The following OPRM1 variants were observed in gnomAD, a reference collection of about 807,000 sequenced individuals.
The protein encoded by OPRM1 is mu-type opioid receptor.
In OPRM1, 27 loss-of-function variants were observed where a neutral mutation model predicts 31.8. The observed-to-expected ratio is 0.85, with a 90% CI of 0.63 to 1.17. The LOEUF is 1.17. Ranked by LOEUF, OPRM1 falls within the 50% of genes most tolerant of loss-of-function variation. The pLI, the probability that OPRM1 is intolerant of heterozygous loss-of-function variation, is 0.00. For missense variants in OPRM1, 536 were observed against 511.1 expected (o/e 1.05, Z -0.47); for synonymous variants, 196 against 189.9 (o/e 1.03, Z -0.26).
At chr6:154,087,106 A>C in intron 1 of OPRM1, 1 of 985,396 alleles carries the variant, frequency 1.0e-6, no homozygotes, top group Non-Finnish European at 1.2e-6. Context: ...TCCATTAAGA[A>C]AGTGAAACTC....
At chr6:154,246,501 C>T (rs1781056369) in intron 3 of OPRM1, 1 of 1,408,772 alleles carries the variant, frequency 7.1e-7, no homozygotes, top group Admixed American at 2.3e-5. Context: ...TCCCAGAAAT[C>T]AAAATGAACT....
chr6:154,059,103 A>T (rs1783905455), intron 1 of OPRM1, among the ~76,000 whole-genome samples: 1 of 152,162 alleles, frequency 6.6e-6, no homozygotes, highest in South Asian at 2.1e-4. Flanking sequence ...TACTTTCCAG[A>T]ATTGTTCCCT....
At chr6:154,212,634 G>A in intron 3 of OPRM1, 2 of 620,970 alleles carry the variant, frequency 3.2e-6, no homozygotes, top group Non-Finnish European at 5.8e-6. Context: ...CCTGAAAATT[G>A]CACTTGCTCG....
At position 154,065,712 on chromosome 6, in the gene OPRM1, CAT is replaced by C. The variant is rs558943430; in HGVS notation, c.291-24111_291-24110del. 3.7e-4 allele frequency among the ~76,000 whole-genome samples: 57 copies of C among 152,046 alleles called. 1 individual carries two copies. In the South Asian group the frequency reaches 0.011, roughly 30 times the overall value. ...CTTATAAGATTATGTCATCTGCAAA[CAT>C]ATTCATTTTACTTCTTTTCTAATTT... On this transcript the variant is annotated intron_variant, in intron 1 of 3. Transcript: ENST00000330432.
At chr6:154,032,560 C>T (rs981799612) in intron 1 of OPRM1, among the ~76,000 whole-genome samples, 6 of 152,128 alleles carry the variant, frequency 3.9e-5, no homozygotes, top group South Asian at 2.1e-4. Context: ...CTCAGCCTAC[C>T]GAGTAGCTAG....
intron 3 of OPRM1, among the ~76,000 whole-genome samples, chr6:154,174,009 G>A (rs9478512): frequency 2.0e-3 from 309 of 152,186 alleles, no homozygotes; most frequent in African/African-American, 6.8e-3. Context: ...GAGAGTGGGG[G>A]CCAATATTCA....
chr6:154,171,919 T>C (rs1433433401), intron 3 of OPRM1, among the ~76,000 whole-genome samples: 1 of 152,208 alleles, frequency 6.6e-6, no homozygotes, highest in African/African-American at 2.4e-5. Context: ...ACACATAGCT[T>C]TCAATACCAC....
chr6:154,167,314 T>C (rs1799520347), intron 3 of OPRM1, among the ~76,000 whole-genome samples: 1 of 152,190 alleles, frequency 6.6e-6, no homozygotes, highest in Non-Finnish European at 1.5e-5. Context: ...CTTCAGTACT[T>C]CCTGTACACT....
At chr6:154,033,563 G>C (rs191392974) in intron 1 of OPRM1, among the ~76,000 whole-genome samples, 1 of 152,162 alleles carries the variant, frequency 6.6e-6, no homozygotes, top group Admixed American at 6.6e-5. Context: ...CAAGTGAAAG[G>C]AAGCACAGAG....
chr6:154,246,096 A>C (rs1003144744), intron 3 of OPRM1, among the ~76,000 whole-genome samples: 1 of 152,160 alleles, frequency 6.6e-6, no homozygotes, highest in Non-Finnish European at 1.5e-5. Context: ...AAACCAACCC[A>C]TTTGATAAAG....
intron 3 of OPRM1, among the ~76,000 whole-genome samples, chr6:154,191,469 T>A (rs1583755122): frequency 6.6e-6 from 1 of 151,846 alleles, no homozygotes. Context: ...AGGTCAGGGG[T>A]TTGAGACCAA....
intron 1 of OPRM1, among the ~76,000 whole-genome samples, chr6:154,054,285 C>T (rs1028749662): frequency 6.9e-6 from 1 of 145,650 alleles, no homozygotes; most frequent in Non-Finnish European, 1.5e-5. Context: ...AGGAGAATTG[C>T]GTGGACCCGG....
At chr6:154,039,013 C>T, upstream of OPRM1, 1 of 907,036 alleles carries the variant, frequency 1.1e-6, no homozygotes, top group Non-Finnish European at 1.6e-6. Context: ...GTTAGGGTTT[C>T]ATCAAGCCAA....
chr6:154,171,669 T>G (rs1327837827), intron 3 of OPRM1, among the ~76,000 whole-genome samples: 1 of 152,208 alleles, frequency 6.6e-6, no homozygotes, highest in Non-Finnish European at 1.5e-5. Context: ...TTTATGAGAT[T>G]GTCATGAGAG....
chr6:154,188,935 C>A (rs1443776282), intron 3 of OPRM1, among the ~76,000 whole-genome samples: 1 of 149,574 alleles, frequency 6.7e-6, no homozygotes, highest in South Asian at 2.1e-4. Flanking sequence ...TTCTTGATAC[C>A]AAAAAAAAGC....
At chr6:154,134,302 A>G (rs1211469265), downstream of OPRM1, among the ~76,000 whole-genome samples, 1 of 152,200 alleles carries the variant, frequency 6.6e-6, no homozygotes, top group African/African-American at 2.4e-5. Flanking sequence ...TTTGCAGGAG[A>G]GAGACCTCAC....
intron 1 of OPRM1, among the ~76,000 whole-genome samples, chr6:154,022,753 C>A (rs986758849): frequency 6.6e-6 from 1 of 152,174 alleles, no homozygotes; most frequent in African/African-American, 2.4e-5. Flanking sequence ...GGTCTAGTTT[C>A]ATTCTTCTGC....
chr6:154,219,393 G>T (rs1778666199), intron 3 of OPRM1, among the ~76,000 whole-genome samples: 1 of 152,188 alleles, frequency 6.6e-6, no homozygotes, highest in Admixed American at 6.5e-5. Context: ...GGAAGCTGGA[G>T]CTACAAGGCA....
intron 3 of OPRM1, among the ~76,000 whole-genome samples, chr6:154,223,999 A>T (rs576656045): frequency 1.3e-5 from 2 of 152,314 alleles, no homozygotes; most frequent in Non-Finnish European, 2.9e-5. Flanking sequence ...CCTCTCTAAG[A>T]ATTTGTTAAT....
Sources: gnomAD v4.1 joint callset for allele counts (sites outside exome capture counted in the v4.1 genomes callset) on GRCh38, gnomAD v4.1.1 for gene constraint, MANE v1.5 for transcripts, NCBI Gene and HGNC (gene_info 2026-07-23, HGNC 2026-07-21) for gene names.